SHROOM3: variants seen among roughly 807,000 people sequenced by gnomAD.
The protein encoded by SHROOM3 is shroom family member 3, also known as protein Shroom3.
Under a neutral mutation model 138.6 loss-of-function variants are expected in SHROOM3, and 47 were observed. The observed-to-expected ratio is 0.34, with a 90% CI of 0.27 to 0.43. SHROOM3 has a LOEUF of 0.43. Among genes scored for constraint, SHROOM3 ranks in the 20% least tolerant of loss-of-function variants. The probability of loss-of-function intolerance (pLI) is 1.00; values close to 1 mark genes in which losing one functional copy is unlikely to be tolerated. For synonymous variants in SHROOM3, 1,062 were observed against 1,063.3 expected (o/e 1.00, Z 0.02); for missense variants, 2,491 against 2,596.5 (o/e 0.96, Z 0.88).
intron 2 of SHROOM3, among the ~76,000 whole-genome samples, chr4:76,623,890 A>G (rs1290885778): frequency 6.6e-6 from 1 of 152,344 alleles, no homozygotes; most frequent in Non-Finnish European, 1.5e-5. Flanking sequence ...CTCATACGCC[A>G]TAACTGAGGA....
At chr4:76,471,535 C>T (rs1200418184) in intron 1 of SHROOM3, among the ~76,000 whole-genome samples, 1 of 152,188 alleles carries the variant, frequency 6.6e-6, no homozygotes, top group Non-Finnish European at 1.5e-5. Flanking sequence ...AGCCACCGCG[C>T]CCAGCCAGTT....
intron 1 of SHROOM3, among the ~76,000 whole-genome samples, chr4:76,520,955 T>C (rs540560921): frequency 2.0e-5 from 3 of 152,358 alleles, no homozygotes; most frequent in African/African-American, 7.2e-5. Context: ...GAATTCTCAC[T>C]GTGTATGAGA....
At position 76,759,537 on chromosome 4, in the gene SHROOM3, T is replaced by C; in HGVS notation, c.5199-8T>C. ...GTGTGGCTATACTTTGTGCTCTTTT[T>C]GGCCCAGGAATGAAGACAAGGAAGC... On this transcript the variant is annotated splice_polypyrimidine_tract_variant and splice_region_variant and intron_variant, in intron 8 of 10. Coordinates refer to ENST00000296043, the MANE Select transcript of SHROOM3 (RefSeq NM_020859.4). 1.2e-6 allele frequency: 2 copies of C among 1,614,042 alleles called. No individual in the cohort carries two copies. The highest frequency in any genetic ancestry group is 1.7e-6 in the Non-Finnish European group (2 of 1,179,954).
chr4:76,662,297 C>A (rs997715837), intron 2 of SHROOM3, among the ~76,000 whole-genome samples: 5 of 152,188 alleles, frequency 3.3e-5, no homozygotes, highest in African/African-American at 9.7e-5. Flanking sequence ...GTCCCCATTT[C>A]CTTAATGGCT....
At position 76,620,816 on chromosome 4, in the gene SHROOM3, A is replaced by T. The variant is rs537223928; in HGVS notation, c.323+65053A>T. Among the ~76,000 whole-genome samples the T allele has an allele frequency of 1.5e-3, 232 of 152,284 alleles. 2 individuals are homozygous for T. Among genetic ancestry groups the T allele is most frequent in the Middle Eastern group, 0.01 (3 of 294 alleles). On this transcript the variant is annotated intron_variant, in intron 2 of 10. Coordinates refer to ENST00000296043, the MANE Select transcript of SHROOM3 (RefSeq NM_020859.4). ...ATGACCATCTTCCTGTGTAACGTTCAGTCTTTCATTGTAGTGAGGAGGCAT... is the reference window on the plus strand; with the variant it reads ...ATGACCATCTTCCTGTGTAACGTTCTGTCTTTCATTGTAGTGAGGAGGCAT...
chr4:76,638,131 G>A lies in SHROOM3; in HGVS notation c.324-72025G>A, dbSNP rs138666942. ...GATAGAGACTTCCATCTCTGCTTTC[G>A]TTCATCCTAATTTTTTAATAGCACC... On this transcript the variant is annotated intron_variant, in intron 2 of 10. Transcript: ENST00000296043. Among the ~76,000 whole-genome samples the A allele has an allele frequency of 2.2e-4, 33 of 152,150 alleles. No homozygotes were observed. The East Asian group carries it at 6.0e-3, about 28-fold the overall frequency.
Position 76,664,506 on chromosome 4 carries a change from A to T in SHROOM3, c.324-45650A>T, listed in dbSNP as rs1194687913. Among the ~76,000 whole-genome samples the T allele has an allele frequency of 1.3e-5, 2 of 152,214 alleles. No homozygotes were observed. The highest frequency in any genetic ancestry group is 2.9e-5 in the Non-Finnish European group (2 of 68,044). On this transcript the variant is annotated intron_variant, in intron 2 of 10. Transcript: ENST00000296043. This position sits in a 1 kb window ranked among gnomAD's most constrained non-coding sequence, Gnocchi z 4.2. Reference sequence around the variant, plus strand: ...TTAAAAATAATGATGCCTGTGCTACAATTAAAATAGTCGTGATGATGATGA... The same window carrying T: ...TTAAAAATAATGATGCCTGTGCTACTATTAAAATAGTCGTGATGATGATGA...
intron 1 of SHROOM3, among the ~76,000 whole-genome samples, chr4:76,462,392 A>G (rs762216376): frequency 5.3e-5 from 8 of 152,254 alleles, no homozygotes; most frequent in South Asian, 4.2e-4. Flanking sequence ...GCATGTCTAC[A>G]TATAGTCTAC....
chr4:76,436,638 T>C (rs935628927), intron 1 of SHROOM3, among the ~76,000 whole-genome samples: 1 of 152,248 alleles, frequency 6.6e-6, no homozygotes, highest in African/African-American at 2.4e-5. Context: ...TGCTTATAAT[T>C]CTGGATAATA....
At chr4:76,580,205 T>C (rs1193081249) in intron 2 of SHROOM3, among the ~76,000 whole-genome samples, 1 of 152,218 alleles carries the variant, frequency 6.6e-6, no homozygotes, top group East Asian at 1.9e-4. Context: ...CTGGCGCCAT[T>C]CAACTGATCC....
intron 2 of SHROOM3, among the ~76,000 whole-genome samples, chr4:76,693,819 CCTTTTTT>C (rs1719641531): frequency 1.1e-5 from 1 of 92,836 alleles, no homozygotes; most frequent in Admixed American, 1.1e-4. Context: ...TAGGCAAACT[CCTTTTTT>C]TTTTTTTTTT....
At chr4:76,660,363 T>G (rs1049448499) in intron 2 of SHROOM3, among the ~76,000 whole-genome samples, 1 of 152,186 alleles carries the variant, frequency 6.6e-6, no homozygotes. Flanking sequence ...GCTCATTCAT[T>G]TGAGTTAACT....
intron 1 of SHROOM3, among the ~76,000 whole-genome samples, chr4:76,535,046 G>A (rs926635590): frequency 6.6e-6 from 1 of 152,138 alleles, no homozygotes; most frequent in African/African-American, 2.4e-5. Context: ...GGCCTCAGTG[G>A]TTACTCTCTG....
intron 1 of SHROOM3, among the ~76,000 whole-genome samples, chr4:76,482,527 A>G (rs1426552936): frequency 2.0e-5 from 3 of 152,222 alleles, no homozygotes; most frequent in Non-Finnish European, 2.9e-5. Context: ...AAAACATTCC[A>G]TGTTCATGGA....
intron 2 of SHROOM3, among the ~76,000 whole-genome samples, chr4:76,572,337 G>A (rs923215735): frequency 1.3e-5 from 2 of 152,126 alleles, no homozygotes; most frequent in Non-Finnish European, 2.9e-5. Context: ...ACTGTATACC[G>A]TGATAGGTGA....
At chr4:76,681,596 T>G (rs59660107) in intron 2 of SHROOM3, among the ~76,000 whole-genome samples, 39 of 99,926 alleles carry the variant, frequency 3.9e-4, no homozygotes, top group African/African-American at 1.1e-3. Flanking sequence ...GAGTCTAGGG[T>G]GTGTGTGTGT....
rs61741104 is a variant in SHROOM3 at position 76,754,772 on chromosome 4, G to A, written c.4289G>A (p.Arg1430Gln). 0.047 allele frequency: 75,551 copies of A among 1,614,086 alleles called. 2,287 individuals are homozygous for A. The highest frequency in any genetic ancestry group is 0.12 in the Admixed American group (7,095 of 59,996). The change falls in exon 7 of 11, where the codon CGA becomes CAA. Residue 1430 changes from arginine (R) to glutamine (Q), a missense_variant. By Grantham distance (43) the Arg-to-Gln change is conservative. Around this residue, in one of 4 missense-constraint regions of SHROOM3, gnomAD observed 1,733 missense variants for 1,661.6 expected, o/e 1.04. Transcript: ENST00000296043. ...CTGCCTCAGTGGCCACCTCCTTCTC[G>A]AGCAAAGTGGGCCCACGCAGCCAGA... Reference protein sequence around the residue: ...VSLPQWPPPSRAKWAHAARED... With the variant: ...VSLPQWPPPSQAKWAHAARED...
chr4:76,586,303 G>T (rs1734151307), intron 2 of SHROOM3: 1 of 985,554 alleles, frequency 1.0e-6, no homozygotes, highest in Admixed American at 6.1e-5. Flanking sequence ...TCTTCCTCGG[G>T]CTGGCTCCTG....
intron 2 of SHROOM3, among the ~76,000 whole-genome samples, chr4:76,670,531 A>G (rs1286003658): frequency 2.0e-5 from 3 of 152,238 alleles, no homozygotes; most frequent in East Asian, 3.8e-4. Context: ...TCCATTTACT[A>G]AAAATCATTG....
Sources: gnomAD v4.1 joint callset for allele counts (sites outside exome capture counted in the v4.1 genomes callset) on GRCh38, gnomAD v4.1.1 for gene constraint, gnomAD v4.1.1 regional missense constraint, Gnocchi (gnomAD v3.1) non-coding constraint, MANE v1.5 for transcripts, NCBI Gene and HGNC (gene_info 2026-07-23, HGNC 2026-07-21) for gene names.